NPM1: variants seen among roughly 807,000 people sequenced by gnomAD.
NPM1 encodes the protein nucleophosmin.
Under a neutral mutation model 44.1 loss-of-function variants are expected in NPM1, and 1 was observed. The observed-to-expected ratio is 0.02, with a 90% CI of 0.01 to 0.11. The LOEUF is 0.11. NPM1 is among the 10% of genes least tolerant of loss of function. The pLI, the probability that NPM1 is intolerant of heterozygous loss-of-function variation, is 1.00. For synonymous variants in NPM1, 126 were observed against 111.8 expected (o/e 1.13, Z -0.80); for missense variants, 197 against 347.8 (o/e 0.57, Z 3.45).
chr5:171,393,372 AGTT>A (rs1770695468), intron 6 of NPM1, among the ~76,000 whole-genome samples: 1 of 152,236 alleles, frequency 6.6e-6, no homozygotes, highest in Admixed American at 6.5e-5. Flanking sequence ...TCATTTTACA[AGTT>A]GTTACTCAAG....
intron 6 of NPM1, among the ~76,000 whole-genome samples, chr5:171,398,272 T>A (rs897618799): frequency 2.6e-5 from 4 of 152,234 alleles, no homozygotes; most frequent in African/African-American, 9.7e-5. Flanking sequence ...AAGAAATCAT[T>A]GCTAAATTCA....
chr5:171,405,516 G>T, intron 9 of NPM1, 113 bp downstream of exon 9: 2 of 656,958 alleles, frequency 3.0e-6, no homozygotes, highest in Admixed American at 3.0e-5. Flanking sequence ...TAATATACTT[G>T]CCTGGTTCGT....
intron 9 of NPM1, chr5:171,405,777 A>T (rs1322975556): frequency 1.3e-5 from 3 of 232,318 alleles, no homozygotes; most frequent in Non-Finnish European, 2.5e-5. Context: ...AACAGCTGGA[A>T]AAGTAGATGC....
chr5:171,410,479 A>G (rs752445943), intron 10 of NPM1, 48 bp from the exon 11 acceptor site: 18 of 1,201,316 alleles, frequency 1.5e-5, no homozygotes, highest in Middle Eastern at 2.2e-4. Context: ...ATTGATGTCT[A>G]TGAAGTGTTG....
intron 6 of NPM1, 148 bp downstream of exon 6, chr5:171,393,126 C>G: frequency 9.6e-7 from 1 of 1,042,984 alleles, no homozygotes; most frequent in Non-Finnish European, 1.4e-6. Context: ...AGGTGGTCAT[C>G]TGTTGTCAGT....
Position 171,387,906 on chromosome 5 carries a change from C to T in NPM1, c.-43C>T, listed in dbSNP as rs375152584. The T allele has an allele frequency of 1.3e-5, 20 of 1,588,022 alleles. No homozygotes were observed. Among genetic ancestry groups the T allele is most frequent in the East Asian group, 4.5e-5 (2 of 44,788 alleles). ...GTTCTCTGGAGCAGCGTTCTTTTAT[C>T]TCCGTCCGCCTTCTCTCCTACCTAA... On this transcript the variant is annotated 5_prime_UTR_variant, in exon 1 of 11. Coordinates refer to ENST00000296930, the MANE Select transcript of NPM1 (RefSeq NM_002520.7).
chr5:171,401,642 A>G (rs2113240345), intron 8 of NPM1, among the ~76,000 whole-genome samples: 1 of 152,240 alleles, frequency 6.6e-6, no homozygotes, highest in South Asian at 2.1e-4. Context: ...TTCACTCTAT[A>G]TGTTGGCCAG....
chr5:171,404,032 C>T (rs1444270524), intron 8 of NPM1, among the ~76,000 whole-genome samples: 1 of 67,074 alleles, frequency 1.5e-5, no homozygotes, highest in Non-Finnish European at 3.0e-5. Flanking sequence ...GTAGGGGCGG[C>T]CGGGCAGAGG....
chr5:171,406,814 C>G (rs1190733190), intron 9 of NPM1: 1 of 632,412 alleles, frequency 1.6e-6, no homozygotes, highest in African/African-American at 1.9e-5. Flanking sequence ...TTTCTTAATG[C>G]TATACCTGAT....
chr5:171,395,888 G>A (rs1413174201), intron 6 of NPM1, among the ~76,000 whole-genome samples: 2 of 151,926 alleles, frequency 1.3e-5, no homozygotes, highest in Non-Finnish European at 2.9e-5. Context: ...ATACATAGAT[G>A]TATGTAATAC....
chr5:171,400,314 T>C (rs578223495), intron 7 of NPM1, 104 bp downstream of exon 7: 2 of 1,432,294 alleles, frequency 1.4e-6, no homozygotes, highest in East Asian at 2.3e-5. Context: ...GTGTGGGAGA[T>C]CATCTCATAC....
At chr5:171,390,866 G>C (rs556627500) in intron 2 of NPM1, among the ~76,000 whole-genome samples, 1 of 152,072 alleles carries the variant, frequency 6.6e-6, no homozygotes, top group Non-Finnish European at 1.5e-5. Flanking sequence ...GGGATTACAG[G>C]CATGTGCCAC....
At position 171,410,762 on chromosome 5, in the gene NPM1, T is replaced by C. The variant is rs980019212; in HGVS notation, c.*197T>C. On this transcript the variant is annotated 3_prime_UTR_variant, in exon 11 of 11. Transcript: ENST00000296930. ...TTTTTAAAGATGGAACTCCACCCTT[T>C]GCTTGGTTTTAAGTATGTATGGAAT... 1.2e-5 allele frequency: 6 copies of C among 493,440 alleles called. No homozygotes were observed. The highest frequency in any genetic ancestry group is 2.1e-5 in the Non-Finnish European group (6 of 281,062). The allele number at this position is 493,440 out of a possible 1,614,324, so 30.6% of individuals were successfully genotyped here.
intron 4 of NPM1, among the ~76,000 whole-genome samples, chr5:171,392,488 G>A (rs74291547): frequency 0.028 from 4,259 of 152,088 alleles, 148 homozygotes; most frequent in Admixed American, 0.1. Context: ...GAGATTACAG[G>A]CATGAGCCAC....
intron 5 of NPM1, 32 bp from the exon 6 acceptor site, chr5:171,392,882 T>C: frequency 1.2e-6 from 2 of 1,613,012 alleles, no homozygotes; most frequent in Non-Finnish European, 1.7e-6. Flanking sequence ...GAACAGCTCT[T>C]GTTCATGAGT....
At chr5:171,408,147 C>CT (rs142729767) in intron 10 of NPM1, among the ~76,000 whole-genome samples, 49,644 of 141,956 alleles carry the variant, frequency 0.35, 8,592 homozygotes, top group East Asian at 0.43. Context: ...TGGTAGAGAT[C>CT]TTTTTTTTTT....
At chr5:171,403,893 C>T (rs1235823054) in intron 8 of NPM1, among the ~76,000 whole-genome samples, 4 of 54,198 alleles carry the variant, frequency 7.4e-5, no homozygotes, top group African/African-American at 2.8e-4. Flanking sequence ...CCGGACGGGG[C>T]GGCCGGCCAG....
intron 9 of NPM1, chr5:171,407,489 C>T (rs1255220586): frequency 3.6e-6 from 2 of 550,560 alleles, no homozygotes; most frequent in Admixed American, 3.8e-5. Flanking sequence ...AGATTTGACC[C>T]TTTGGCAAAT....
At chr5:171,391,568 TG>T in intron 3 of NPM1, 137 bp from the exon 4 acceptor site, 2 of 1,175,350 alleles carry the variant, frequency 1.7e-6, no homozygotes, top group East Asian at 2.3e-5. Flanking sequence ...CTCTTGAACA[TG>T]GGGGCTTCTG....
Sources: allele counts gnomAD v4.1 joint callset (sites outside exome capture counted in the v4.1 genomes callset), GRCh38; gene constraint gnomAD v4.1.1; transcripts MANE v1.5; gene names NCBI Gene and HGNC (gene_info 2026-07-23, HGNC 2026-07-21).